The following RABEP1 variants were observed in gnomAD, a reference collection of about 807,000 sequenced individuals.
The protein encoded by RABEP1 is rabaptin, RAB GTPase binding effector protein 1, also known as rab GTPase-binding effector protein 1.
A neutral mutation model predicts 123.4 loss-of-function variants in RABEP1; 51 were observed. The observed-to-expected ratio is 0.41, with a 90% CI of 0.33 to 0.52. RABEP1 has a LOEUF of 0.52. RABEP1 is among the 20% of genes least tolerant of loss of function. RABEP1 has a pLI of 0.16. For missense variants in RABEP1, 888 were observed against 996.3 expected, an observed-to-expected ratio of 0.89 and a Z score of 1.46; for synonymous variants, 347 against 355.2, an observed-to-expected ratio of 0.98 and a Z score of 0.26.
In RABEP1 at chr17:5,367,590, A is replaced by ACATCTTTAAACATAGCTACAACTAGGTC. The variant is rs1172156793; in HGVS notation, c.1786-780_1786-779insCATCTTTAAACATAGCTACAACTAGGTC. Among the ~76,000 whole-genome samples the ACATCTTTAAACATAGCTACAACTAGGTC allele has an allele frequency of 4.1e-5, 6 of 147,646 alleles. 1 individual carries two copies. In the East Asian group the frequency reaches 7.0e-4, roughly 17 times the overall value. On this transcript the variant is annotated intron_variant, in intron 11 of 17. Coordinates refer to ENST00000537505, the MANE Select transcript of RABEP1 (RefSeq NM_004703.6). Reference sequence around the variant, plus strand: ...AGCCAAGGGTAAAACTTTTTTTTAAAAAAAGTATGGATAGCCAATTTCTGT... The same window carrying ACATCTTTAAACATAGCTACAACTAGGTC: ...AGCCAAGGGTAAAACTTTTTTTTAAACATCTTTAAACATAGCTACAACTAGGTCAAAAGTATGGATAGCCAATTTCTGT...
At chr17:5,297,974 A>G (rs2144486307) in intron 1 of RABEP1, among the ~76,000 whole-genome samples, 1 of 152,300 alleles carries the variant, frequency 6.6e-6, no homozygotes, top group Non-Finnish European at 1.5e-5. Context: ...TTTCCTTAAG[A>G]CTTCTCTTTC....
chr17:5,341,206 A>G lies in RABEP1; in HGVS notation c.648+3068A>G, dbSNP rs1056309573. On this transcript the variant is annotated intron_variant, in intron 5 of 17. Coordinates refer to ENST00000537505, the MANE Select transcript of RABEP1 (RefSeq NM_004703.6). ...TGAGGCAGAAGGATCACTTGAGCCC[A>G]AGGAGTTGAGGCTGTGGTGAGCCAT... is the stretch of plus-strand genomic sequence containing the variant. 7.9e-5 allele frequency among the ~76,000 whole-genome samples: 12 copies of G among 152,236 alleles called. No homozygotes were observed. The East Asian group carries it at 1.7e-3, about 22-fold the overall frequency.
In RABEP1 at chr17:5,363,682, G is replaced by C. The variant is rs189681288; in HGVS notation, c.1668+666G>C. Among the ~76,000 whole-genome samples the C allele has an allele frequency of 5.9e-3, 897 of 152,242 alleles. 4 individuals are homozygous for C. Among genetic ancestry groups the C allele is most frequent in the Non-Finnish European group, 9.7e-3 (661 of 68,012 alleles). ...TCAGGGAGATAAAAGGTTGATTGTTGCCTCCAGTAGAATAAAGGCTTAATG... is the reference window on the plus strand; with the variant it reads ...TCAGGGAGATAAAAGGTTGATTGTTCCCTCCAGTAGAATAAAGGCTTAATG... On this transcript the variant is annotated intron_variant, in intron 10 of 17. Transcript: ENST00000537505.
chr17:5,349,072 A>C (rs1382014734), intron 6 of RABEP1, among the ~76,000 whole-genome samples: 3 of 151,764 alleles, frequency 2.0e-5, no homozygotes, highest in Non-Finnish European at 4.4e-5. Context: ...CTTGGCAACC[A>C]CTAATCTACT....
At chr17:5,344,578 C>T (rs1313296217) in intron 5 of RABEP1, among the ~76,000 whole-genome samples, 1 of 151,736 alleles carries the variant, frequency 6.6e-6, no homozygotes, top group Non-Finnish European at 1.5e-5. Context: ...GGAGACCATC[C>T]TGGATAACAC....
intron 7 of RABEP1, among the ~76,000 whole-genome samples, chr17:5,353,159 A>C (rs76754580): frequency 0.044 from 6,669 of 152,196 alleles, 292 homozygotes; most frequent in East Asian, 0.13. Context: ...TTTCATCCAT[A>C]TAACATTACA....
intron 10 of RABEP1, among the ~76,000 whole-genome samples, chr17:5,363,361 A>C (rs966218360): frequency 5.9e-5 from 9 of 151,956 alleles, no homozygotes; most frequent in Non-Finnish European, 1.0e-4. Context: ...CTGGGATTAC[A>C]GGGACACGCC....
At position 5,383,538 on chromosome 17, in the gene RABEP1, C is replaced by G. The variant is rs1911678015; in HGVS notation, c.*315C>G. ...TTCTCCAAGACAGATTTTCGGAACA[C>G]ATTTCCCTACCCTAAAGCGACATCC... On this transcript the variant is annotated 3_prime_UTR_variant, in exon 18 of 18. Coordinates refer to ENST00000537505, the MANE Select transcript of RABEP1 (RefSeq NM_004703.6). The G allele has an allele frequency of 5.5e-6, 2 of 364,368 alleles. No homozygotes were observed. Among genetic ancestry groups the G allele is most frequent in the Non-Finnish European group, 1.0e-5 (2 of 195,840 alleles). The allele number at this position is 364,368 out of a possible 1,614,324, so 22.6% of individuals were successfully genotyped here. A position where few individuals can be genotyped will look rare whatever the true frequency, so the allele number is the denominator to read the frequency against.
chr17:5,287,582 G>C (rs781308507), intron 1 of RABEP1, among the ~76,000 whole-genome samples: 3 of 113,856 alleles, frequency 2.6e-5, no homozygotes, highest in African/African-American at 1.0e-4. Context: ...CTGGGCAACA[G>C]AGTGAGACTC....
At chr17:5,367,587 T>TA (rs879472839) in intron 11 of RABEP1, among the ~76,000 whole-genome samples, 40 of 151,118 alleles carry the variant, frequency 2.6e-4, no homozygotes, top group Admixed American at 4.0e-4. Context: ...AACTTTTTTT[T>TA]AAAAAAAGTA....
At chr17:5,344,353 A>T (rs1460987026) in intron 5 of RABEP1, among the ~76,000 whole-genome samples, 1 of 150,628 alleles carries the variant, frequency 6.6e-6, no homozygotes, top group Non-Finnish European at 1.5e-5. Flanking sequence ...CACAAGAATT[A>T]CTTGAACCCG....
rs553120401 is a variant in RABEP1, at chr17:5,332,596, A to ATTTT, written c.367+462_367+465dup. Among the ~76,000 whole-genome samples, 795 of 105,744 alleles carry ATTTT rather than the reference A, an allele frequency of 7.5e-3. 16 individuals carry two copies. Among genetic ancestry groups the ATTTT allele is most frequent in the Middle Eastern group, 0.015 (3 of 194 alleles). The allele number at this position is 105,744 out of a possible 152,430, so 69.4% of individuals were successfully genotyped here. On this transcript the variant is annotated intron_variant, in intron 3 of 17. Transcript: ENST00000537505. ...GTGTAGTTTGGCCATACGTTTTAGA[A>ATTTT]TTTTTTTTTTTTTTTTTTTTTGAGA...
chr17:5,370,789 A>G (rs1352879884), intron 12 of RABEP1, among the ~76,000 whole-genome samples: 1 of 152,222 alleles, frequency 6.6e-6, no homozygotes. Flanking sequence ...GAATGACTAT[A>G]TCAATATTAC....
At chr17:5,378,557 T>C (rs2144730164) in intron 15 of RABEP1, 1 of 350,436 alleles carries the variant, frequency 2.9e-6, no homozygotes, top group East Asian at 7.7e-5. Context: ...TAAAAAACAT[T>C]ACAAACAAGA....
rs959029739 is a variant in RABEP1, at chr17:5,294,194, G to A, written c.34+11674G>A. 4.6e-5 allele frequency among the ~76,000 whole-genome samples: 7 copies of A among 152,142 alleles called. No individual in the cohort carries two copies. In the East Asian group the frequency reaches 1.4e-3, roughly 29 times the overall value. On this transcript the variant is annotated intron_variant, in intron 1 of 17. Coordinates refer to ENST00000537505, the MANE Select transcript of RABEP1 (RefSeq NM_004703.6). ...GGGGGAATCATGAGGTCAGGAGTTC[G>A]AGACCAGTCTGACAAACCCTGTCTA...
chr17:5,362,819 A>T, intron 9 of RABEP1, 93 bp from the exon 10 acceptor site: 1 of 813,188 alleles, frequency 1.2e-6, no homozygotes, highest in Non-Finnish European at 2.1e-6. Flanking sequence ...TGCATGTTCT[A>T]CTGACTACCA....
chr17:5,363,079 T>C, intron 10 of RABEP1, 63 bp downstream of exon 10: 1 of 1,247,154 alleles, frequency 8.0e-7, no homozygotes, highest in Non-Finnish European at 1.2e-6. Flanking sequence ...GCAGAATTAA[T>C]TGCCCCCCTC....
At chr17:5,368,312 G>C (rs1018407698) in intron 11 of RABEP1, 58 bp from the exon 12 acceptor site, 24 of 1,170,084 alleles carry the variant, frequency 2.1e-5, no homozygotes, top group Non-Finnish European at 2.9e-5. Context: ...AGATGGAAGA[G>C]TTAGTTTCAG....
At chr17:5,380,541 AT>A (rs1345595872) in intron 16 of RABEP1, 79 bp downstream of exon 16, 3 of 1,200,658 alleles carry the variant, frequency 2.5e-6, no homozygotes, top group Non-Finnish European at 2.4e-6. Flanking sequence ...TGAAAAAAAA[AT>A]ATTGGTGCTT....
Sources: allele counts gnomAD v4.1 joint callset (sites outside exome capture counted in the v4.1 genomes callset), GRCh38; gene constraint gnomAD v4.1.1; transcripts MANE v1.5; gene names NCBI Gene and HGNC (gene_info 2026-07-23, HGNC 2026-07-21).